The following RESP18 variants were observed in gnomAD, a reference collection of about 807,000 sequenced individuals.
RESP18 encodes the protein regulated endocrine-specific protein 18.
Under a neutral mutation model 30.0 loss-of-function variants are expected in RESP18, and 30 were observed. The ratio of observed to expected loss-of-function variants is 1.00; its 90% confidence interval spans 0.75 to 1.36. The LOEUF is 1.36. RESP18 is among the 40% of genes most tolerant of loss of function. The probability of loss-of-function intolerance (pLI) is 0.00; values close to 1 mark genes in which losing one functional copy is unlikely to be tolerated. For synonymous variants in RESP18, 117 were observed against 111.2 expected, an observed-to-expected ratio of 1.05 and a Z score of -0.33; for missense variants, 320 against 284.2, an observed-to-expected ratio of 1.13 and a Z score of -0.91.
chr2:219,329,623 C>G lies in RESP18; in HGVS notation c.465+14G>C. ...CAGAATGCTTGGAATGACCACAGGC[C>G]TCATGCACCTCACCTCAGTGGTTTT... On this transcript the variant is annotated intron_variant, in intron 4 of 6. Coordinates refer to ENST00000333527, the MANE Select transcript of RESP18 (RefSeq NM_001007089.4). 6.4e-7 allele frequency: 1 copy of G among 1,551,294 alleles called. No homozygotes were observed. Among genetic ancestry groups the G allele is most frequent in the South Asian group, 1.2e-5 (1 of 84,024 alleles).
At position 219,332,674 on chromosome 2, in the gene RESP18, A is replaced by G; in HGVS notation, c.82T>C (p.Phe28Leu). 6.4e-7 allele frequency: 1 copy of G among 1,551,058 alleles called. No homozygotes were observed. Among genetic ancestry groups the G allele is most frequent in the Non-Finnish European group, 8.7e-7 (1 of 1,146,892 alleles). ...TCACTCCCCGGCCAAGTCTCAGTGA[A>G]GGTAGCGGCCACGGCCGAGGGGCTG... The change falls in exon 2 of 7, where the codon TTC becomes CTC. Residue 28 changes from phenylalanine (F) to leucine (L), a missense_variant. Coordinates refer to ENST00000333527, the MANE Select transcript of RESP18 (RefSeq NM_001007089.4).
At chr2:219,330,609 T>A (rs1289727687) in intron 3 of RESP18, among the ~76,000 whole-genome samples, 162 bp downstream of exon 2, 1 of 145,360 alleles carries the variant, frequency 6.9e-6, no homozygotes, top group Non-Finnish European at 1.5e-5. Flanking sequence ...CCCATCCAGA[T>A]CCCACTCCTA....
In RESP18 at chr2:219,330,870, G is replaced by A. The variant is rs758018426; in HGVS notation, c.238C>T (p.Gln80Ter). ...AGCTGCCCCACTCCTACTTGGTCCT[G>A]ACCATCTAAGGGCAAAATAGTGGTG... The change falls in exon 3 of 7, where the codon CAG becomes TAG. Residue 80 changes from glutamine (Q) to a stop codon, truncating the protein, a stop_gained. Coordinates refer to ENST00000333527, the MANE Select transcript of RESP18 (RefSeq NM_001007089.4). LOFTEE classifies it high-confidence loss of function. The A allele has an allele frequency of 1.3e-6, 2 of 1,548,876 alleles. No homozygotes were observed. The highest frequency in any genetic ancestry group is 2.4e-5 in the South Asian group (2 of 83,988).
At chr2:219,329,512 A>G in intron 4 of RESP18, 125 bp downstream of exon 3, 2 of 1,514,380 alleles carry the variant, frequency 1.3e-6, no homozygotes, top group South Asian at 1.2e-5. Flanking sequence ...GCTGATTCCA[A>G]ACAGGACCTC....
In RESP18 at chr2:219,327,567, A is replaced by G. The variant is rs1182530400; in HGVS notation, c.641-4T>C. ...TAGGAAGTGGCCCAGAGAAGCCCTA[A>G]AACAAGAAGAAACAAGGGAGCTAGA... On this transcript the variant is annotated splice_polypyrimidine_tract_variant and splice_region_variant and intron_variant, in intron 6 of 6. Coordinates refer to ENST00000333527, the MANE Select transcript of RESP18 (RefSeq NM_001007089.4). The G allele has an allele frequency of 6.4e-7, 1 of 1,551,290 alleles. No homozygotes were observed. Among genetic ancestry groups the G allele is most frequent in the East Asian group, 2.4e-5 (1 of 40,906 alleles).
chr2:219,331,464 G>C (rs1559316184), intron 2 of RESP18, among the ~76,000 whole-genome samples: 1 of 152,146 alleles, frequency 6.6e-6, no homozygotes, highest in African/African-American at 2.4e-5. Flanking sequence ...CTATAGTGTA[G>C]TTACCATGAG....
In RESP18 at chr2:219,332,777, G is replaced by A. The variant is rs973935170; in HGVS notation, c.18-39C>T. On this transcript the variant is annotated intron_variant, in intron 1 of 6. Coordinates refer to ENST00000333527, the MANE Select transcript of RESP18 (RefSeq NM_001007089.4). ...CTCGGCAGTTCAGCCAATCGTGAGC[G>A]GGCCCTGCCCCTGCGGTCGCCTCCC... 3.1e-5 allele frequency: 45 copies of A among 1,467,296 alleles called. No homozygotes were observed. In the African/African-American group the frequency reaches 6.1e-4, roughly 20 times the overall value. 90.9% of individuals were successfully genotyped at this position (1,467,296 alleles called of 1,614,324 possible). A position where few individuals can be genotyped will look rare whatever the true frequency, so the allele number is the denominator to read the frequency against.
At position 219,330,839 on chromosome 2, in the gene RESP18, G is replaced by T; in HGVS notation, c.269C>A (p.Pro90His). The change falls in exon 3 of 7, where the codon CCC (proline) becomes CAC (histidine). Residue 90 changes from proline (P) to histidine (H), a missense_variant. Transcript: ENST00000333527. Reference sequence around the variant, plus strand: ...GACTGGGGTGGCAAATCCTTGGAGGGGCCAAAGCTGCCCCACTCCTACTTG... The same window carrying T: ...GACTGGGGTGGCAAATCCTTGGAGGTGCCAAAGCTGCCCCACTCCTACTTG... 6.4e-7 allele frequency: 1 copy of T among 1,551,458 alleles called. No individual in the cohort carries two copies. Among genetic ancestry groups the T allele is most frequent in the Admixed American group, 2.0e-5 (1 of 50,990 alleles).
rs1574948870 is a variant in RESP18, at chr2:219,330,874, A to G, written c.234T>C (p.Asp78=). Reference sequence around the variant, plus strand: ...GCCCCACTCCTACTTGGTCCTGACCATCTAAGGGCAAAATAGTGGTGTCAG... The same window carrying G: ...GCCCCACTCCTACTTGGTCCTGACCGTCTAAGGGCAAAATAGTGGTGTCAG... The change falls in exon 3 of 7, where the codon GAT becomes GAC. Residue 78 remains aspartate (D), a splice_region_variant and synonymous_variant. Transcript: ENST00000333527. 2 of 1,544,484 alleles carry G rather than the reference A, an allele frequency of 1.3e-6. No individual in the cohort carries two copies. Among genetic ancestry groups the G allele is most frequent in the East Asian group, 4.9e-5 (2 of 40,892 alleles).
chr2:219,332,503 C>T (rs866474658), intron 2 of RESP18, 21 bp downstream of exon 1: 9 of 1,530,808 alleles, frequency 5.9e-6, no homozygotes, highest in African/African-American at 4.1e-5. Context: ...CCTGCCCGCA[C>T]CCCCCAGGGT....
rs544264149 is a variant in RESP18 at position 219,329,369 on chromosome 2, C to T, written c.466-117G>A. 1.8e-5 allele frequency: 28 copies of T among 1,551,694 alleles called. No homozygotes were observed. In the African/African-American group the frequency reaches 3.6e-4, roughly 20 times the overall value. On this transcript the variant is annotated intron_variant, in intron 4 of 6. Transcript: ENST00000333527. ...ACAATTCTTGAGAAGATACGTGAGTCTCACTGGGGAATAGGAGTTGAAGTT... is the reference window on the plus strand; with the variant it reads ...ACAATTCTTGAGAAGATACGTGAGTTTCACTGGGGAATAGGAGTTGAAGTT...
chr2:219,329,829 G>A, intron 3 of RESP18, 65 bp from the exon 3 acceptor site: 1 of 1,476,380 alleles, frequency 6.8e-7, no homozygotes, highest in Non-Finnish European at 9.2e-7. Flanking sequence ...CCAGGGATCA[G>A]AGTAACCTTT....
At position 219,328,904 on chromosome 2, in the gene RESP18, A is replaced by G; in HGVS notation, c.640+20T>C. 2 of 1,512,254 alleles carry G rather than the reference A, an allele frequency of 1.3e-6. No homozygotes were observed. The highest frequency in any genetic ancestry group is 1.8e-6 in the Non-Finnish European group (2 of 1,112,310). The allele number at this position is 1,512,254 out of a possible 1,614,324, so 93.7% of individuals were successfully genotyped here. On this transcript the variant is annotated intron_variant, in intron 6 of 6. Transcript: ENST00000333527. ...TGAAAACTCTGCTGTTTCAATGCCT[A>G]TTTTAAACTCAATACTTACGCATGA... is the stretch of plus-strand genomic sequence containing the variant.
chr2:219,331,441 A>G (rs937420319), intron 2 of RESP18, among the ~76,000 whole-genome samples: 1 of 152,160 alleles, frequency 6.6e-6, no homozygotes, highest in Non-Finnish European at 1.5e-5. Context: ...GCTGGAGGAC[A>G]GTCTGTTTTT....
At chr2:219,329,382 A>G (rs1952806262) in intron 4 of RESP18, 130 bp from the exon 4 acceptor site, 2 of 1,551,650 alleles carry the variant, frequency 1.3e-6, no homozygotes, top group African/African-American at 1.4e-5. Flanking sequence ...ACTGGGGAAT[A>G]GGAGTTGAAG....
intron 6 of RESP18, among the ~76,000 whole-genome samples, chr2:219,327,931 A>G (rs34561714): frequency 0.042 from 6,357 of 152,268 alleles, 191 homozygotes; most frequent in Middle Eastern, 0.082. Flanking sequence ...GGAAGTAGGA[A>G]TCTGTTTCCT....
chr2:219,332,391 C>G (rs1031724908), intron 2 of RESP18, 133 bp downstream of exon 1: 2 of 681,088 alleles, frequency 2.9e-6, no homozygotes, highest in Non-Finnish European at 4.9e-6. Context: ...ACGCTGTCTA[C>G]CTTTTTCTCT....
At chr2:219,332,771 G>A in intron 1 of RESP18, 27 bp from the exon 1 acceptor site, 1 of 1,486,382 alleles carries the variant, frequency 6.7e-7, no homozygotes, top group Non-Finnish European at 9.1e-7. Context: ...TCAGCCAATC[G>A]TGAGCGGGCC....
intron 3 of RESP18, among the ~76,000 whole-genome samples, chr2:219,330,269 T>G (rs1362724805): frequency 6.6e-6 from 1 of 152,158 alleles, no homozygotes; most frequent in Non-Finnish European, 1.5e-5. Flanking sequence ...TAATATGAAC[T>G]CAAGGAAGAT....
Sources: gnomAD v4.1 joint callset for allele counts (sites outside exome capture counted in the v4.1 genomes callset) on GRCh38, gnomAD v4.1.1 for gene constraint, MANE v1.5 for transcripts, NCBI Gene and HGNC (gene_info 2026-07-23, HGNC 2026-07-21) for gene names.